Variants in UAP1 observed in about 807,000 individuals in gnomAD.
UAP1 encodes UDP-N-acetylglucosamine pyrophosphorylase 1.
Under a neutral mutation model 58.5 loss-of-function variants are expected in UAP1, and 25 were observed. The ratio of observed to expected loss-of-function variants is 0.43; its 90% CI spans 0.31 to 0.60. The LOEUF is 0.60. Among genes scored for constraint, UAP1 ranks in the 20% least tolerant of loss-of-function variants. UAP1 has a pLI of 0.11. For missense variants in UAP1, 575 were observed against 630.0 expected (o/e 0.91, Z 0.93); for synonymous variants, 208 against 213.0 (o/e 0.98, Z 0.21).
Position 162,574,133 on chromosome 1 carries a change from C to T in UAP1, c.281-2644C>T, listed in dbSNP as rs1654033317. On this transcript the variant is annotated intron_variant, in intron 2 of 10. Coordinates refer to ENST00000271469, the Ensembl canonical transcript of UAP1. ...TTTGAGACGGAGTCTCACTTTGTTGCCCAAGCTGGAATGCAGTGGCACGAT... is the reference window on the plus strand; with the variant it reads ...TTTGAGACGGAGTCTCACTTTGTTGTCCAAGCTGGAATGCAGTGGCACGAT... Among the ~76,000 whole-genome samples the T allele has an allele frequency of 3.6e-5, 5 of 139,992 alleles. No homozygotes were observed. The South Asian group carries it at 1.1e-3, about 32-fold the overall frequency. 91.8% of individuals were successfully genotyped at this position (139,992 alleles called of 152,430 possible). A position where few individuals can be genotyped will look rare whatever the true frequency, so the allele number is the denominator to read the frequency against.
At chr1:162,569,336 A>G (rs1294093691) in intron 2 of UAP1, among the ~76,000 whole-genome samples, 2 of 152,230 alleles carry the variant, frequency 1.3e-5, no homozygotes, top group Non-Finnish European at 2.9e-5. Flanking sequence ...TATTCAGATG[A>G]TAATGGACAT....
At chr1:162,572,337 A>G (rs1321148436) in intron 2 of UAP1, among the ~76,000 whole-genome samples, 1 of 152,262 alleles carries the variant, frequency 6.6e-6, no homozygotes, top group African/African-American at 2.4e-5. Flanking sequence ...TAGGGAACCC[A>G]TCTAAGGAAG....
intron 7 of UAP1, among the ~76,000 whole-genome samples, chr1:162,589,184 A>G (rs1402855023): frequency 1.1e-5 from 1 of 88,866 alleles, no homozygotes; most frequent in Non-Finnish European, 2.1e-5. Flanking sequence ...TATTATATAT[A>G]ATATATATTA....
chr1:162,588,935 A>T, intron 7 of UAP1, 102 bp downstream of exon 7: 1 of 1,127,304 alleles, frequency 8.9e-7, no homozygotes. Flanking sequence ...TTGATAGCAC[A>T]TATCTCACAT....
intron 5 of UAP1, among the ~76,000 whole-genome samples, chr1:162,583,767 A>G (rs1212355805): frequency 6.6e-6 from 1 of 152,034 alleles, no homozygotes; most frequent in Non-Finnish European, 1.5e-5. Context: ...AGCTGGTACC[A>G]CAGGCGTGCA....
intron 9 of UAP1, among the ~76,000 whole-genome samples, chr1:162,596,241 T>C (rs1351326367): frequency 6.6e-6 from 1 of 151,908 alleles, no homozygotes; most frequent in Non-Finnish European, 1.5e-5. Context: ...AATGGTGCAA[T>C]CTCGGCTCAC....
intron 2 of UAP1, among the ~76,000 whole-genome samples, chr1:162,576,332 A>G (rs1370932451): frequency 1.3e-5 from 2 of 152,096 alleles, no homozygotes; most frequent in Admixed American, 6.6e-5. Flanking sequence ...TTAGTCATCA[A>G]ATTTTTGCGA....
At chr1:162,574,610 A>T (rs1432023095) in intron 2 of UAP1, among the ~76,000 whole-genome samples, 1 of 152,224 alleles carries the variant, frequency 6.6e-6, no homozygotes, top group Non-Finnish European at 1.5e-5. Flanking sequence ...AAGAATTCTA[A>T]TGAAAGTATG....
At chr1:162,561,648 C>T (rs1306974517) in exon 1 of UAP1, 1 of 152,272 alleles carries the variant, frequency 6.6e-6, no homozygotes, top group Non-Finnish European at 1.5e-5. Context: ...CACTTGGCCC[C>T]CGCTCCCGGC....
chr1:162,566,080 T>A, exon 2 of UAP1: 1 of 1,611,874 alleles, frequency 6.2e-7, no homozygotes, highest in Middle Eastern at 2.2e-4. Flanking sequence ...TGAACATTAA[T>A]GACCTCAAAC....
chr1:162,583,170 T>TC (rs1389306016), intron 5 of UAP1, among the ~76,000 whole-genome samples: 2 of 146,002 alleles, frequency 1.4e-5, no homozygotes, highest in Non-Finnish European at 3.0e-5. Context: ...TTTTTTTTTT[T>TC]GAGACGCAGT....
At chr1:162,563,241 G>T (rs1041468409) in intron 1 of UAP1, among the ~76,000 whole-genome samples, 1 of 152,108 alleles carries the variant, frequency 6.6e-6, no homozygotes, top group African/African-American at 2.4e-5. Flanking sequence ...TAGATGAATT[G>T]TGCTTGTCCA....
chr1:162,597,646 G>T, intron 9 of UAP1, 146 bp from the exon 10 acceptor site: 1 of 598,828 alleles, frequency 1.7e-6, no homozygotes, highest in East Asian at 2.8e-5. Flanking sequence ...AGGGAATTTA[G>T]TGATCATCAG....
exon 4 of UAP1, chr1:162,579,455 G>A (rs1460964766): frequency 6.3e-7 from 1 of 1,591,456 alleles, no homozygotes; most frequent in African/African-American, 1.3e-5. Context: ...GCAGAACAAT[G>A]GAATCTACAA....
Position 162,566,433 on chromosome 1 carries a change from T to A in UAP1, c.280+85T>A, listed in dbSNP as rs185745224. On this transcript the variant is annotated intron_variant, in intron 2 of 10. Coordinates refer to ENST00000271469, the Ensembl canonical transcript of UAP1. ...GGTAGCTGGATCATGTCACTAATATTTTGATTCATACTACATTAAACCAGG... is the reference window on the plus strand; with the variant it reads ...GGTAGCTGGATCATGTCACTAATATATTGATTCATACTACATTAAACCAGG... 40 of 1,388,908 alleles carry A rather than the reference T, an allele frequency of 2.9e-5. No individual in the cohort carries two copies. In the East Asian group the frequency reaches 8.7e-4, roughly 30 times the overall value. The allele number at this position is 1,388,908 out of a possible 1,614,324, so 86.0% of individuals were successfully genotyped here. A position where few individuals can be genotyped will look rare whatever the true frequency, so the allele number is the denominator to read the frequency against.
Position 162,581,574 on chromosome 1 carries a change from C to G in UAP1, c.834+115C>G, listed in dbSNP as rs772799431. Reference sequence around the variant, plus strand: ...ATTTGAATATTTTAGAACCATTTATCTCTCTAAAGTAACTAAACGGTCCCA... The same window carrying G: ...ATTTGAATATTTTAGAACCATTTATGTCTCTAAAGTAACTAAACGGTCCCA... On this transcript the variant is annotated intron_variant, in intron 5 of 10. Transcript: ENST00000271469. 3 of 1,137,534 alleles carry G rather than the reference C, an allele frequency of 2.6e-6. No homozygotes were observed. In the South Asian group the frequency reaches 5.4e-5, roughly 20 times the overall value. The allele number at this position is 1,137,534 out of a possible 1,614,324, so 70.5% of individuals were successfully genotyped here.
chr1:162,592,544 T>C (rs1220294857), intron 8 of UAP1, among the ~76,000 whole-genome samples, 188 bp from the exon 9 acceptor site: 1 of 152,224 alleles, frequency 6.6e-6, no homozygotes, highest in African/African-American at 2.4e-5. Context: ...CATGTCACAT[T>C]GTCCTCATGT....
chr1:162,590,248 C>G, intron 7 of UAP1, 75 bp from the exon 8 acceptor site: 1 of 1,232,424 alleles, frequency 8.1e-7, no homozygotes, highest in Non-Finnish European at 1.1e-6. Flanking sequence ...AGACCAAAGC[C>G]TTAGCTATGT....
chr1:162,598,685 G>A (rs1450683461), intron 10 of UAP1, among the ~76,000 whole-genome samples: 2 of 152,050 alleles, frequency 1.3e-5, no homozygotes, highest in Non-Finnish European at 2.9e-5. Context: ...GTATTGCTTT[G>A]TTGTAGCATT....
Sources: gnomAD v4.1 joint callset for allele counts (sites outside exome capture counted in the v4.1 genomes callset) on GRCh38, gnomAD v4.1.1 for gene constraint, MANE v1.5 for transcripts, NCBI Gene and HGNC (gene_info 2026-07-23, HGNC 2026-07-21) for gene names.